KIF6: variants seen among roughly 807,000 people sequenced by gnomAD.
KIF6 encodes the protein kinesin-like protein KIF6.
In KIF6, 106 loss-of-function variants were observed where a neutral mutation model predicts 112.7. That is an observed-to-expected ratio of 0.94 (90% CI 0.80 to 1.11). The LOEUF (loss-of-function observed/expected upper bound fraction) is 1.11. KIF6 is among the 50% of genes least tolerant of loss of function. The pLI, the probability that KIF6 is intolerant of heterozygous loss-of-function variation, is 0.00. For synonymous variants in KIF6, 339 were observed against 339.9 expected (o/e 1.00, Z 0.03); for missense variants, 929 against 964.0 (o/e 0.96, Z 0.48).
intron 13 of KIF6, among the ~76,000 whole-genome samples, chr6:39,516,303 T>C (rs1276742170): frequency 6.6e-6 from 1 of 151,010 alleles, no homozygotes; most frequent in Non-Finnish European, 1.5e-5. Flanking sequence ...TCAATGGATA[T>C]ATATATAAAG....
intron 13 of KIF6, among the ~76,000 whole-genome samples, chr6:39,480,685 C>T (rs1195424945): frequency 6.6e-6 from 1 of 152,146 alleles, no homozygotes; most frequent in Non-Finnish European, 1.5e-5. Context: ...CTATCTGGTC[C>T]TGGGCTTTGT....
At chr6:39,561,088 C>T (rs1404826867) in intron 10 of KIF6, among the ~76,000 whole-genome samples, 2 of 152,220 alleles carry the variant, frequency 1.3e-5, no homozygotes, top group African/African-American at 4.8e-5. Flanking sequence ...CAAGGATCAG[C>T]ATCAAACCAG....
In KIF6 at chr6:39,330,211, G is replaced by A. The variant is rs1456030986; in HGVS notation, c.*6321C>T. 1.3e-5 allele frequency: 2 copies of A among 152,134 alleles called. No individual in the cohort carries two copies. Among genetic ancestry groups the A allele is most frequent in the Non-Finnish European group, 2.9e-5 (2 of 68,014 alleles). 9.4% of individuals were successfully genotyped at this position (152,134 alleles called of 1,614,324 possible). A position where few individuals can be genotyped will look rare whatever the true frequency, so the allele number is the denominator to read the frequency against. The stretch of plus-strand genomic sequence containing the variant: ...AGGAAGCCCTAAAACAGCTTCATAG[G>A]CATAAGTCCTAGAGCACCTTGGGAC... On this transcript the variant is annotated 3_prime_UTR_variant, in exon 23 of 23. Coordinates refer to ENST00000287152, the MANE Select transcript of KIF6 (RefSeq NM_145027.6).
intron 3 of KIF6, among the ~76,000 whole-genome samples, chr6:39,668,473 T>C (rs1389971888): frequency 6.6e-6 from 1 of 151,984 alleles, no homozygotes; most frequent in Non-Finnish European, 1.5e-5. Context: ...CTTAGAAGTG[T>C]CTCCCTACTG....
intron 13 of KIF6, among the ~76,000 whole-genome samples, chr6:39,440,102 G>A (rs1201691620): frequency 6.6e-6 from 1 of 152,108 alleles, no homozygotes; most frequent in Non-Finnish European, 1.5e-5. Flanking sequence ...GGGATGAGAA[G>A]AAGACCAGCA....
At chr6:39,507,431 A>T (rs547530801) in intron 13 of KIF6, among the ~76,000 whole-genome samples, 1 of 152,302 alleles carries the variant, frequency 6.6e-6, no homozygotes, top group South Asian at 2.1e-4. Flanking sequence ...TTGCAGGCAG[A>T]TGCAGAAGGT....
intron 15 of KIF6, among the ~76,000 whole-genome samples, chr6:39,401,816 C>T (rs896640733): frequency 6.6e-6 from 1 of 152,076 alleles, no homozygotes; most frequent in African/African-American, 2.4e-5. Context: ...TTTTCATTAT[C>T]CTTGTCTGAA....
chr6:39,704,627 A>G (rs1789083237), intron 3 of KIF6, among the ~76,000 whole-genome samples: 1 of 152,198 alleles, frequency 6.6e-6, no homozygotes, highest in Admixed American at 6.5e-5. Flanking sequence ...TTAAAAAAAA[A>G]AAAGCAAAGC....
At chr6:39,411,090 T>C (rs1426041058) in intron 15 of KIF6, among the ~76,000 whole-genome samples, 1 of 152,204 alleles carries the variant, frequency 6.6e-6, no homozygotes, top group African/African-American at 2.4e-5. Context: ...AGCAGATAAG[T>C]AGCTCATTAG....
chr6:39,414,585 G>A (rs1037234063), intron 15 of KIF6, among the ~76,000 whole-genome samples: 1 of 152,102 alleles, frequency 6.6e-6, no homozygotes, highest in Non-Finnish European at 1.5e-5. Flanking sequence ...GCCACAACTG[G>A]GCCCCAAAGT....
chr6:39,649,891 T>C (rs1785383133), intron 3 of KIF6, among the ~76,000 whole-genome samples: 1 of 152,230 alleles, frequency 6.6e-6, no homozygotes, highest in African/African-American at 2.4e-5. Flanking sequence ...TTGTTCACAT[T>C]TCGTGTGTGA....
intron 3 of KIF6, among the ~76,000 whole-genome samples, chr6:39,653,425 T>C (rs1486831162): frequency 1.3e-5 from 2 of 152,208 alleles, no homozygotes. Flanking sequence ...ACTAATCTTT[T>C]TAAGGTTTTC....
rs911547033 is a variant in KIF6 at position 39,331,501 on chromosome 6, C to A, written c.*5031G>T. ...CAGGGTTCAAGTGATTGTCCTGCCTCAGCCTCCAGAGTAGCTGGGATTACA... is the reference window on the plus strand; with the variant it reads ...CAGGGTTCAAGTGATTGTCCTGCCTAAGCCTCCAGAGTAGCTGGGATTACA... On this transcript the variant is annotated 3_prime_UTR_variant, in exon 23 of 23. Coordinates refer to ENST00000287152, the MANE Select transcript of KIF6 (RefSeq NM_145027.6). 5 of 152,154 alleles carry A rather than the reference C, an allele frequency of 3.3e-5. No homozygotes were observed. The highest frequency in any genetic ancestry group is 1.2e-4 in the African/African-American group (5 of 41,408). 9.4% of individuals were successfully genotyped at this position (152,154 alleles called of 1,614,324 possible).
chr6:39,569,281 G>T (rs1330677006), intron 10 of KIF6, among the ~76,000 whole-genome samples: 2 of 152,018 alleles, frequency 1.3e-5, no homozygotes, highest in Non-Finnish European at 2.9e-5. Context: ...ATTTTCACTA[G>T]GACTGTATTA....
Position 39,578,329 on chromosome 6 carries a change from A to ATTTT in KIF6, c.1078-174_1078-171dup, listed in dbSNP as rs35778593. Among the ~76,000 whole-genome samples, 52 of 125,164 alleles carry ATTTT rather than the reference A, an allele frequency of 4.2e-4. 1 individual carries two copies. Among genetic ancestry groups the ATTTT allele is most frequent in the African/African-American group, 1.5e-3 (47 of 31,534 alleles). The allele number at this position is 125,164 out of a possible 152,430, so 82.1% of individuals were successfully genotyped here. ...TAACGTTTTGTCAAAATAGTTCTAG[A>ATTTT]TTTTTTTTTTTTTTTTTTTTGGAGA... On this transcript the variant is annotated intron_variant, in intron 9 of 22. Coordinates refer to ENST00000287152, the MANE Select transcript of KIF6 (RefSeq NM_145027.6).
At chr6:39,508,505 C>T (rs1285671833) in intron 13 of KIF6, among the ~76,000 whole-genome samples, 2 of 152,100 alleles carry the variant, frequency 1.3e-5, no homozygotes, top group Non-Finnish European at 2.9e-5. Flanking sequence ...TACACTTCTG[C>T]CCAAATACTG....
At chr6:39,566,591 A>G (rs1339902104) in intron 10 of KIF6, among the ~76,000 whole-genome samples, 1 of 152,236 alleles carries the variant, frequency 6.6e-6, no homozygotes, top group African/African-American at 2.4e-5. Flanking sequence ...GTCTAAGAAA[A>G]GCACCACTTT....
At chr6:39,457,638 A>G (rs1773215937) in intron 13 of KIF6, among the ~76,000 whole-genome samples, 1 of 152,128 alleles carries the variant, frequency 6.6e-6, no homozygotes, top group Non-Finnish European at 1.5e-5. Context: ...ACTAATAAAG[A>G]AAAAAAGAGA....
chr6:39,512,045 T>C (rs2150511194), intron 13 of KIF6, among the ~76,000 whole-genome samples: 1 of 152,332 alleles, frequency 6.6e-6, no homozygotes, highest in East Asian at 1.9e-4. Flanking sequence ...TATACCTATG[T>C]AACAAACCTG....
Sources: allele counts gnomAD v4.1 joint callset (sites outside exome capture counted in the v4.1 genomes callset), GRCh38; gene constraint gnomAD v4.1.1; transcripts MANE v1.5; gene names NCBI Gene and HGNC (gene_info 2026-07-23, HGNC 2026-07-21).